The following ECSCR variants were observed in gnomAD, a reference collection of about 807,000 sequenced individuals.
The protein encoded by ECSCR is endothelial cell-specific chemotaxis regulator.
ECSCR carries 12 observed loss-of-function variants against 16.7 expected under a neutral mutation model. That is an observed-to-expected ratio of 0.72 (90% CI 0.46 to 1.17). The LOEUF is 1.17. Among genes scored for constraint, ECSCR ranks in the 50% most tolerant of loss-of-function variants. The probability of loss-of-function intolerance (pLI) is 0.00; values close to 1 mark genes in which losing one functional copy is unlikely to be tolerated. For missense variants in ECSCR, 122 were observed against 116.1 expected (o/e 1.05, Z -0.23); for synonymous variants, 44 against 42.2 (o/e 1.04, Z -0.17).
At position 139,455,704 on chromosome 5, in the gene ECSCR, C is replaced by T. The variant is rs891720211; in HGVS notation, c.263-268G>A. Among the ~76,000 whole-genome samples, 13 of 147,658 alleles carry T rather than the reference C, an allele frequency of 8.8e-5. No individual in the cohort carries two copies. The East Asian group carries it at 1.4e-3, about 16-fold the overall frequency. ...TAAAAACTGCTATGTTGGCCTGGTG[C>T]GGTGGCTCATGCCTGCAATCCCAAT... On this transcript the variant is annotated intron_variant, in intron 5 of 9. Transcript: ENST00000618155.
chr5:139,457,881 CTG>C, intron 2 of ECSCR, 74 bp from the exon 3 acceptor site: 1 of 1,488,818 alleles, frequency 6.7e-7, no homozygotes, highest in Non-Finnish European at 9.2e-7. Flanking sequence ...TTCCCTAGAT[CTG>C]TGTGTCTTTC....
At chr5:139,456,707 TCTCAAGTCTAAG>T (rs1205607385) in intron 4 of ECSCR, among the ~76,000 whole-genome samples, 189 bp from the exon 5 acceptor site, 9 of 152,168 alleles carry the variant, frequency 5.9e-5, no homozygotes, top group African/African-American at 1.9e-4. Flanking sequence ...CCTTTCTCAG[TCTCAAGTCTAAG>T]CTCCTGTTAC....
At chr5:139,456,315 C>T (rs1420971008) in intron 5 of ECSCR, among the ~76,000 whole-genome samples, 159 bp downstream of exon 5, 2 of 152,174 alleles carry the variant, frequency 1.3e-5, no homozygotes, top group African/African-American at 4.8e-5. Flanking sequence ...ACCCATTGTA[C>T]TTCAGGCCCA....
At chr5:139,457,882 T>G (rs1328157502) in intron 2 of ECSCR, 75 bp from the exon 3 acceptor site, 6 of 1,484,826 alleles carry the variant, frequency 4.0e-6, no homozygotes, top group Non-Finnish European at 5.5e-6. Context: ...TCCCTAGATC[T>G]GTGTGTCTTT....
In ECSCR at chr5:139,448,701, C is replaced by T; in HGVS notation, c.*199G>A. The T allele has an allele frequency of 7.1e-7, 1 of 1,408,194 alleles. No individual in the cohort carries two copies. The highest frequency in any genetic ancestry group is 9.2e-7 in the Non-Finnish European group (1 of 1,084,322). 87.2% of individuals were successfully genotyped at this position (1,408,194 alleles called of 1,614,324 possible). On this transcript the variant is annotated 3_prime_UTR_variant, in exon 10 of 10. Coordinates refer to ENST00000618155, the MANE Select transcript of ECSCR (RefSeq NM_001077693.4). ...AGGCAGTATTTCCACAGCAGCTGTC[C>T]ATACAGGAAAGAGTCTCCCCTGTTG...
rs1034964092 is a variant in ECSCR at position 139,455,376 on chromosome 5, G to A, written c.323C>T (p.Ala108Val). ...TTMSLSMRED[A>V]TILPSPTSET... ...TGACGTGGGGCTGGGCAGGATGGTC[G>A]CATCTTCCCTCATGCTCAGGCTCAT... The change falls in exon 6 of 10, where the codon GCG becomes GTG. Residue 108 changes from alanine to valine, a missense_variant. Ala to Val is a moderately conservative substitution (Grantham distance 64). Transcript: ENST00000618155. The A allele has an allele frequency of 2.3e-5, 9 of 398,570 alleles. No individual in the cohort carries two copies. Among genetic ancestry groups the A allele is most frequent in the Middle Eastern group, 6.2e-4 (1 of 1,610 alleles). The allele number at this position is 398,570 out of a possible 1,614,324, so 24.7% of individuals were successfully genotyped here.
At chr5:139,454,088 G>A (rs1207460319) in intron 8 of ECSCR, among the ~76,000 whole-genome samples, 1 of 146,052 alleles carries the variant, frequency 6.8e-6, no homozygotes, top group Non-Finnish European at 1.5e-5. Context: ...TTTGAGGTAT[G>A]TGTGGGGTGT....
chr5:139,459,575 G>A (rs1263139356), intron 1 of ECSCR, among the ~76,000 whole-genome samples: 1 of 152,218 alleles, frequency 6.6e-6, no homozygotes, highest in Non-Finnish European at 1.5e-5. Context: ...TGAAAGGTCA[G>A]GTTGTATTTG....
At position 139,448,754 on chromosome 5, in the gene ECSCR, G is replaced by A. The variant is rs927259838; in HGVS notation, c.*146C>T. The A allele has an allele frequency of 4.1e-5, 60 of 1,461,148 alleles. No individual in the cohort carries two copies. The highest frequency in any genetic ancestry group is 1.2e-4 in the Admixed American group (5 of 40,026). The allele number at this position is 1,461,148 out of a possible 1,614,324, so 90.5% of individuals were successfully genotyped here. A position where few individuals can be genotyped will look rare whatever the true frequency, so the allele number is the denominator to read the frequency against. On this transcript the variant is annotated 3_prime_UTR_variant, in exon 10 of 10. Transcript: ENST00000618155. ...AGCTTGCTCCCAGATCTGGGGCAAT[G>A]CTAGTGTCCTTTAGATCTAGAAGCA...
Position 139,462,678 on chromosome 5 carries a change from G to A in ECSCR, c.-8C>T. 1 of 1,583,360 alleles carries A rather than the reference G, an allele frequency of 6.3e-7. No individual in the cohort carries two copies. ...GGCTCCTGCGGTGCCCATGTCAGCT[G>A]GGTATGTGGCGGGCAGGCAGCAGCT... On this transcript the variant is annotated 5_prime_UTR_variant, in exon 1 of 10. Coordinates refer to ENST00000618155, the MANE Select transcript of ECSCR (RefSeq NM_001077693.4).
intron 1 of ECSCR, 81 bp downstream of exon 1, chr5:139,462,529 G>A: frequency 7.2e-7 from 1 of 1,387,226 alleles, no homozygotes; most frequent in Non-Finnish European, 1.0e-6. Flanking sequence ...GAAAGCATGT[G>A]TCTCCTGAGA....
At chr5:139,461,982 A>C (rs1751316411) in intron 1 of ECSCR, among the ~76,000 whole-genome samples, 1 of 152,194 alleles carries the variant, frequency 6.6e-6, no homozygotes, top group Non-Finnish European at 1.5e-5. Flanking sequence ...ATTGGCTGGC[A>C]GAGCCTGTCA....
rs1189769386 is a variant in ECSCR, at chr5:139,462,653, G to A, written c.18C>T (p.Ala6=). ...CCAGGATCACCCAGCACAGCTGCAT[G>A]GCTCCTGCGGTGCCCATGTCAGCTG... MGTAG[A]MQLCWVILGF... is the part of the protein sequence containing the mutation. Residue 6 remains alanine (A), a synonymous_variant, in exon 1 of 10, where the codon GCC becomes GCT. Coordinates refer to ENST00000618155, the MANE Select transcript of ECSCR (RefSeq NM_001077693.4). 1 of 1,591,916 alleles carries A rather than the reference G, an allele frequency of 6.3e-7. No individual in the cohort carries two copies. The highest frequency in any genetic ancestry group is 1.1e-5 in the South Asian group (1 of 87,394).
At position 139,457,756 on chromosome 5, in the gene ECSCR, C is replaced by T. The variant is rs1466037896; in HGVS notation, c.157+1G>A. On this transcript the variant is annotated splice_donor_variant, in intron 3 of 9. Transcript: ENST00000618155. LOFTEE classifies it high-confidence loss of function. Reference sequence around the variant, plus strand: ...GGACCTCAGCAACCACACTCACTCACCTGGGTTGGAAGAAACTGGCTCTGT... The same window carrying T: ...GGACCTCAGCAACCACACTCACTCATCTGGGTTGGAAGAAACTGGCTCTGT... The T allele has an allele frequency of 8.1e-6, 13 of 1,613,112 alleles. No homozygotes were observed. Among genetic ancestry groups the T allele is most frequent in the Non-Finnish European group, 1.1e-5 (13 of 1,179,532 alleles).
At chr5:139,454,960 CGGGGGGACAAAG>C in intron 6 of ECSCR, 37 bp from the exon 7 acceptor site, 1 of 398,554 alleles carries the variant, frequency 2.5e-6, no homozygotes. Context: ...GGGGGCCAGT[CGGGGGGACAAAG>C]GGGCCAACAA....
intron 4 of ECSCR, among the ~76,000 whole-genome samples, chr5:139,457,293 C>T (rs961940999): frequency 5.9e-5 from 9 of 152,182 alleles, no homozygotes; most frequent in Non-Finnish European, 1.2e-4. Context: ...CTTCTCAGCT[C>T]GGCTTCAGAA....
intron 8 of ECSCR, among the ~76,000 whole-genome samples, chr5:139,451,488 G>A (rs929929141): frequency 5.0e-4 from 74 of 148,116 alleles, no homozygotes; most frequent in African/African-American, 1.8e-3. Flanking sequence ...GATGTGTGTG[G>A]TTTGGGTGGG....
chr5:139,448,783 A>G lies in ECSCR; in HGVS notation c.*117T>C, dbSNP rs562902592. On this transcript the variant is annotated 3_prime_UTR_variant, in exon 10 of 10. Transcript: ENST00000618155. ...GTGTCCTTTAGATCTAGAAGCAGAC[A>G]TGAAACAATAAAATAATTTACATGT... 1.4e-5 allele frequency: 21 copies of G among 1,500,222 alleles called. No individual in the cohort carries two copies. The South Asian group carries it at 2.2e-4, about 16-fold the overall frequency. 92.9% of individuals were successfully genotyped at this position (1,500,222 alleles called of 1,614,324 possible).
chr5:139,462,648 T>C lies in ECSCR; in HGVS notation c.23A>G (p.Gln8Arg). The change falls in exon 1 of 10, where the codon CAG becomes CGG. Residue 8 changes from glutamine (Q) to arginine (R), a missense_variant. Transcript: ENST00000618155. MGTAGAMQLCWVILGFLL... is the reference protein window; with the variant it reads MGTAGAMRLCWVILGFLL... ...GAAGCCCAGGATCACCCAGCACAGC[T>C]GCATGGCTCCTGCGGTGCCCATGTC... The C allele has an allele frequency of 1.3e-6, 2 of 1,592,692 alleles. No individual in the cohort carries two copies. The highest frequency in any genetic ancestry group is 1.7e-6 in the Non-Finnish European group (2 of 1,169,956).
Sources: gnomAD v4.1 joint callset for allele counts (sites outside exome capture counted in the v4.1 genomes callset) on GRCh38, gnomAD v4.1.1 for gene constraint, MANE v1.5 for transcripts, NCBI Gene and HGNC (gene_info 2026-07-23, HGNC 2026-07-21) for gene names.